Variants in VPS53 observed in about 807,000 individuals in gnomAD.
VPS53 encodes VPS53 subunit of GARP complex.
Under a neutral mutation model 107.0 loss-of-function variants are expected in VPS53, and 70 were observed. That is an observed-to-expected ratio of 0.65 (90% CI 0.54 to 0.80). The LOEUF (loss-of-function observed/expected upper bound fraction) is 0.80. Among genes scored for constraint, VPS53 ranks in the 30% least tolerant of loss-of-function variants. VPS53 has a pLI of 0.00. For synonymous variants in VPS53, 409 were observed against 393.3 expected (o/e 1.04, Z -0.47); for missense variants, 917 against 1,049.4 (o/e 0.87, Z 1.74).
chr17:622,697 A>C (rs8064796), intron 11 of VPS53, among the ~76,000 whole-genome samples: 52,859 of 151,906 alleles, frequency 0.35, 11,015 homozygotes, highest in Non-Finnish European at 0.47. Context: ...GGGCCTCCAA[A>C]GAGAAGAGGT....
intron 4 of VPS53, among the ~76,000 whole-genome samples, chr17:690,341 C>T (rs1281315014): frequency 6.6e-6 from 1 of 152,254 alleles, no homozygotes. Context: ...TGGGACAGTA[C>T]TGGCCCACAG....
chr17:674,114 C>T (rs1449580129), intron 4 of VPS53: 1 of 152,212 alleles, frequency 6.6e-6, no homozygotes, highest in Non-Finnish European at 1.5e-5. Context: ...GCATTTCAAG[C>T]AACACCTCCA....
chr17:597,169 C>T (rs1968014925), intron 12 of VPS53, among the ~76,000 whole-genome samples: 4 of 152,152 alleles, frequency 2.6e-5, no homozygotes, highest in Admixed American at 2.0e-4. Context: ...AGCAGCGAGG[C>T]GTAAACTGCA....
At chr17:625,515 C>T (rs1002405275) in intron 10 of VPS53, among the ~76,000 whole-genome samples, 1 of 150,696 alleles carries the variant, frequency 6.6e-6, no homozygotes, top group Non-Finnish European at 1.5e-5. Context: ...TATGTGAACA[C>T]CAAGCGTGAA....
intron 2 of VPS53, among the ~76,000 whole-genome samples, chr17:704,908 C>A (rs1206631531): frequency 6.6e-6 from 1 of 152,186 alleles, no homozygotes; most frequent in Non-Finnish European, 1.5e-5. Flanking sequence ...AAATGTCTAT[C>A]TCCAGCTAAT....
At chr17:605,754 A>C (rs1968544292) in intron 11 of VPS53, among the ~76,000 whole-genome samples, 1 of 124,296 alleles carries the variant, frequency 8.0e-6, no homozygotes, top group Non-Finnish European at 1.6e-5. Flanking sequence ...CTGGGGTAAG[A>C]GGGGTGGCAA....
chr17:628,866 T>C lies in VPS53; in HGVS notation c.688-635A>G, dbSNP rs767309715. On this transcript the variant is annotated intron_variant, in intron 8 of 21. Coordinates refer to ENST00000437048, the MANE Select transcript of VPS53 (RefSeq NM_001128159.3). ...CGAACACTGGAAAGATACCAGGCGC[T>C]GTACTGACGCATCACGACGGGAAGG... Among the ~76,000 whole-genome samples, 33 of 152,216 alleles carry C rather than the reference T, an allele frequency of 2.2e-4. 1 individual carries two copies. Among genetic ancestry groups the C allele is most frequent in the Non-Finnish European group, 3.8e-4 (26 of 68,044 alleles).
chr17:714,713 G>A lies in VPS53; in HGVS notation c.-4C>T. The A allele has an allele frequency of 1.2e-6, 2 of 1,611,144 alleles. No homozygotes were observed. Among genetic ancestry groups the A allele is most frequent in the Non-Finnish European group, 1.7e-6 (2 of 1,179,030 alleles). ...CCAGTTCCTCCTCCTCCATCATTCC[G>A]CCACCCGGCCCCCTGCCGACCCCCG... On this transcript the variant is annotated 5_prime_UTR_variant, in exon 1 of 22. Coordinates refer to ENST00000437048, the MANE Select transcript of VPS53 (RefSeq NM_001128159.3).
At chr17:613,722 C>G (rs1475993663) in intron 11 of VPS53, among the ~76,000 whole-genome samples, 1 of 151,238 alleles carries the variant, frequency 6.6e-6, no homozygotes, top group Admixed American at 6.6e-5. Flanking sequence ...TGAGTTCACA[C>G]AGTGAAAACC....
At chr17:707,947 A>AGGATCCTT (rs796792057) in intron 2 of VPS53, among the ~76,000 whole-genome samples, 11 of 151,988 alleles carry the variant, frequency 7.2e-5, no homozygotes, top group African/African-American at 2.7e-4. Flanking sequence ...GAGATCCTCC[A>AGGATCCTT]GGATCCTTGC....
chr17:623,782 CA>C, intron 10 of VPS53, 108 bp from the exon 11 acceptor site: 1 of 1,234,128 alleles, frequency 8.1e-7, no homozygotes, highest in Non-Finnish European at 1.1e-6. Context: ...TGTATGTGGT[CA>C]TTTCAAACCC....
At chr17:526,388 G>A (rs1299554598) in intron 19 of VPS53, among the ~76,000 whole-genome samples, 1 of 152,188 alleles carries the variant, frequency 6.6e-6, no homozygotes, top group Non-Finnish European at 1.5e-5. Context: ...TATACAGGGA[G>A]ATATGACACT....
intron 11 of VPS53, among the ~76,000 whole-genome samples, chr17:611,289 C>A (rs1050669621): frequency 2.6e-5 from 4 of 152,184 alleles, no homozygotes; most frequent in Non-Finnish European, 4.4e-5. Context: ...GCTGGGATTA[C>A]AGGCGTGAGC....
At chr17:700,506 G>A (rs1253896374) in intron 2 of VPS53, among the ~76,000 whole-genome samples, 1 of 152,074 alleles carries the variant, frequency 6.6e-6, no homozygotes, top group Non-Finnish European at 1.5e-5. Context: ...AGCTGAGAAT[G>A]TGCCATTGCA....
chr17:596,295 G>A (rs1405960832), intron 12 of VPS53, among the ~76,000 whole-genome samples: 3 of 152,144 alleles, frequency 2.0e-5, no homozygotes, highest in Non-Finnish European at 4.4e-5. Flanking sequence ...TCATCTCTTA[G>A]GTATAAAATA....
intron 2 of VPS53, among the ~76,000 whole-genome samples, chr17:701,527 G>GCA: frequency 6.8e-6 from 1 of 147,356 alleles, no homozygotes; most frequent in East Asian, 2.3e-4. Flanking sequence ...ACAGGCACAT[G>GCA]CCACCACGCC....
intron 7 of VPS53, chr17:632,705 T>A: frequency 2.2e-6 from 1 of 456,430 alleles, no homozygotes; most frequent in Non-Finnish European, 4.4e-6. Flanking sequence ...TTCTACTCGC[T>A]ATCTCCATGA....
rs1259521519 is a variant in VPS53, at chr17:509,075, G to A, written c.*10053C>T. 6.6e-6 allele frequency: 1 copy of A among 151,796 alleles called. No individual in the cohort carries two copies. Among genetic ancestry groups the A allele is most frequent in the Admixed American group, 6.6e-5 (1 of 15,236 alleles). 9.4% of individuals were successfully genotyped at this position (151,796 alleles called of 1,614,324 possible). ...CAAATCCTGGCTCGCCCCCTTACTA[G>A]TCACATAGCAAATCCTGGCTCACCC... On this transcript the variant is annotated 3_prime_UTR_variant, in exon 22 of 22. Coordinates refer to ENST00000437048, the MANE Select transcript of VPS53 (RefSeq NM_001128159.3).
chr17:671,659 G>A (rs1334580475), intron 4 of VPS53, among the ~76,000 whole-genome samples: 1 of 151,500 alleles, frequency 6.6e-6, no homozygotes, highest in Non-Finnish European at 1.5e-5. Flanking sequence ...TACAGAGTCT[G>A]CTGTCCAAGA....
Sources: gnomAD v4.1 joint callset for allele counts (sites outside exome capture counted in the v4.1 genomes callset) on GRCh38, gnomAD v4.1.1 for gene constraint, MANE v1.5 for transcripts, NCBI Gene and HGNC (gene_info 2026-07-23, HGNC 2026-07-21) for gene names.